Variants in MROH2B observed in about 807,000 individuals in gnomAD.
The protein encoded by MROH2B is maestro heat-like repeat-containing protein family member 2B.
A neutral mutation model predicts 208.6 loss-of-function variants in MROH2B; 177 were observed. The observed-to-expected ratio is 0.85, with a 90% CI of 0.75 to 0.96. The LOEUF (loss-of-function observed/expected upper bound fraction) is 0.96. Among genes scored for constraint, MROH2B ranks in the 40% least tolerant of loss-of-function variants. The probability of loss-of-function intolerance (pLI) is 0.00; values close to 1 mark genes in which losing one functional copy is unlikely to be tolerated. For synonymous variants in MROH2B, 728 were observed against 659.0 expected, an observed-to-expected ratio of 1.10 and a Z score of -1.60; for missense variants, 2,002 against 1,878.7, an observed-to-expected ratio of 1.07 and a Z score of -1.21.
chr5:41,027,148 A>T (rs1742393497), intron 24 of MROH2B, among the ~76,000 whole-genome samples: 2 of 152,228 alleles, frequency 1.3e-5, no homozygotes, highest in Admixed American at 1.3e-4. Flanking sequence ...CATGTCTAAA[A>T]CACCAAAAGC....
chr5:41,031,483 C>A (rs1039648567), intron 24 of MROH2B, among the ~76,000 whole-genome samples: 3 of 151,998 alleles, frequency 2.0e-5, no homozygotes, highest in Non-Finnish European at 4.4e-5. Flanking sequence ...AGGAAATAGA[C>A]CAAAATGCTG....
chr5:41,045,815 G>T lies in MROH2B; in HGVS notation c.1767C>A (p.Ala589=), dbSNP rs1394908168. 1.2e-6 allele frequency: 2 copies of T among 1,613,384 alleles called. No homozygotes were observed. The highest frequency in any genetic ancestry group is 1.1e-5 in the South Asian group (1 of 91,050). ...AATCCTGAGTCAGCTGAATGGTCCA[G>T]GCCACATCACTGATCTTCCATAAGG... ...KESLWKISDV[A]WTIQLTQDFK... The change falls in exon 18 of 42, where the codon GCC becomes GCA. Residue 589 remains alanine (A), a synonymous_variant. Coordinates refer to ENST00000399564, the MANE Select transcript of MROH2B (RefSeq NM_173489.5).
chr5:41,033,914 G>A lies in MROH2B; in HGVS notation c.2215-50C>T, dbSNP rs144727634. 6.8e-3 allele frequency: 10,564 copies of A among 1,546,784 alleles called. 62 individuals are homozygous for A. The highest frequency in any genetic ancestry group is 0.012 in the Middle Eastern group (69 of 5,966). On this transcript the variant is annotated intron_variant, in intron 21 of 41. Transcript: ENST00000399564. Reference sequence around the variant, plus strand: ...AGATACTCAATGAGTGGCATTGAGAGATATACCCAACCCAACAAAAGGACT... The same window carrying A: ...AGATACTCAATGAGTGGCATTGAGAAATATACCCAACCCAACAAAAGGACT...
intron 12 of MROH2B, 82 bp from the exon 13 acceptor site, chr5:41,051,172 C>G: frequency 2.5e-6 from 2 of 802,510 alleles, no homozygotes; most frequent in Non-Finnish European, 3.6e-6. Context: ...TGTTCTTAGA[C>G]TCTGGAGTAG....
chr5:41,009,474 A>T (rs1042741992), intron 31 of MROH2B, 68 bp from the exon 32 acceptor site: 2 of 1,563,080 alleles, frequency 1.3e-6, no homozygotes, highest in Non-Finnish European at 1.7e-6. Flanking sequence ...TTTCCATCTG[A>T]CTCACTCTAA....
At chr5:41,024,422 T>A (rs1260703642) in intron 24 of MROH2B, among the ~76,000 whole-genome samples, 1 of 151,768 alleles carries the variant, frequency 6.6e-6, no homozygotes, top group Admixed American at 6.6e-5. Flanking sequence ...CCAAAAAAGA[T>A]CAAAAGAGAC....
intron 29 of MROH2B, among the ~76,000 whole-genome samples, chr5:41,013,625 G>C (rs974224458): frequency 2.0e-5 from 3 of 152,166 alleles, no homozygotes; most frequent in African/African-American, 4.8e-5. Context: ...TGAGTTATTA[G>C]ATCAAAGGAC....
intron 2 of MROH2B, among the ~76,000 whole-genome samples, chr5:41,067,604 G>A (rs534558638): frequency 4.9e-4 from 75 of 152,222 alleles, no homozygotes; most frequent in African/African-American, 1.8e-3. Context: ...CTGACCTCAG[G>A]TGATCCACTT....
In MROH2B at chr5:41,033,979, G is replaced by A. The variant is rs1367617453; in HGVS notation, c.2215-115C>T. The A allele has an allele frequency of 1.3e-5, 18 of 1,397,510 alleles. No individual in the cohort carries two copies. The Admixed American group carries it at 1.4e-4, about 11-fold the overall frequency. The allele number at this position is 1,397,510 out of a possible 1,614,324, so 86.6% of individuals were successfully genotyped here. A position where few individuals can be genotyped will look rare whatever the true frequency, so the allele number is the denominator to read the frequency against. ...AAGGACAATAGTAAAGCAGGAGGTA[G>A]AGCCTTGCCAAGGGGGGTCTTGCCA... On this transcript the variant is annotated intron_variant, in intron 21 of 41. Coordinates refer to ENST00000399564, the MANE Select transcript of MROH2B (RefSeq NM_173489.5).
intron 29 of MROH2B, 69 bp downstream of exon 29, chr5:41,015,312 G>A: frequency 7.4e-7 from 1 of 1,342,840 alleles, no homozygotes; most frequent in Non-Finnish European, 1.1e-6. Context: ...GCAGTGGGGA[G>A]TATGTAGCTT....
intron 33 of MROH2B, 106 bp from the exon 34 acceptor site, chr5:41,007,560 T>C: frequency 2.8e-6 from 3 of 1,083,128 alleles, no homozygotes; most frequent in Non-Finnish European, 3.6e-6. Context: ...ACCCCTGGAC[T>C]AGGGGATGTT....
rs759129143 is a variant in MROH2B at position 41,045,744 on chromosome 5, A to G, written c.1836+2T>C. ...AGGTTTCCCCTCAGCTGAAAAACCA[A>G]CCTTCTCAGTGGAGTTATTGCTGTA... On this transcript the variant is annotated splice_donor_variant, in intron 18 of 41. Transcript: ENST00000399564. LOFTEE classifies it high-confidence loss of function. 3.1e-6 allele frequency: 5 copies of G among 1,612,560 alleles called. No individual in the cohort carries two copies. In the South Asian group the frequency reaches 4.4e-5, roughly 14 times the overall value.
chr5:41,028,491 C>T (rs1742457037), intron 24 of MROH2B, among the ~76,000 whole-genome samples: 1 of 152,068 alleles, frequency 6.6e-6, no homozygotes, highest in South Asian at 2.1e-4. Flanking sequence ...AAACAGTAGC[C>T]ACTGTTTTTT....
At chr5:41,026,014 C>T (rs985117362) in intron 24 of MROH2B, among the ~76,000 whole-genome samples, 2 of 152,102 alleles carry the variant, frequency 1.3e-5, no homozygotes, top group African/African-American at 2.4e-5. Flanking sequence ...TCTCAATAAA[C>T]TAGGTATTGA....
chr5:41,051,000 G>T lies in MROH2B; in HGVS notation c.1321C>A (p.Pro441Thr), dbSNP rs746569588. The change falls in exon 13 of 42, where the codon CCA becomes ACA. Residue 441 changes from proline (P) to threonine (T), a missense_variant. Transcript: ENST00000399564. ...ACCTGAGGCATTCCAATGACCAGTG[G>T]GTCCAGGGTTTTTAAGACCTCAAGG... ...TSLEVLKTLD[P>T]LVIGMPQVLW... 6.4e-7 allele frequency: 1 copy of T among 1,570,618 alleles called. No homozygotes were observed. The highest frequency in any genetic ancestry group is 2.4e-5 in the East Asian group (1 of 41,446).
chr5:41,062,277 C>T (rs763789401), intron 5 of MROH2B, among the ~76,000 whole-genome samples: 12 of 152,156 alleles, frequency 7.9e-5, no homozygotes, highest in South Asian at 2.1e-4. Context: ...TAAAAATGGG[C>T]GATAACTCCA....
At chr5:41,022,083 C>T (rs1036908302) in intron 24 of MROH2B, among the ~76,000 whole-genome samples, 1 of 152,090 alleles carries the variant, frequency 6.6e-6, no homozygotes, top group African/African-American at 2.4e-5. Flanking sequence ...TCCAAGATGG[C>T]CGAATAGGAA....
In MROH2B at chr5:41,027,841, T is replaced by A. The variant is rs200397063; in HGVS notation, c.2441+4901A>T. On this transcript the variant is annotated intron_variant, in intron 24 of 41. Transcript: ENST00000399564. Reference sequence around the variant, plus strand: ...AAGAAAATGTGGCACATATACACCATGGAATACTATGCAGCCATAACAAAT... The same window carrying A: ...AAGAAAATGTGGCACATATACACCAAGGAATACTATGCAGCCATAACAAAT... Among the ~76,000 whole-genome samples, 220 of 152,308 alleles carry A rather than the reference T, an allele frequency of 1.4e-3. 5 individuals carry two copies. In the East Asian group the frequency reaches 0.038, roughly 26 times the overall value.
intron 24 of MROH2B, among the ~76,000 whole-genome samples, chr5:41,028,779 C>A (rs1027774680): frequency 6.6e-6 from 1 of 152,066 alleles, no homozygotes; most frequent in South Asian, 2.1e-4. Flanking sequence ...TATGGTGGTA[C>A]AGATAACTTA....
Sources: allele counts gnomAD v4.1 joint callset (sites outside exome capture counted in the v4.1 genomes callset), GRCh38; gene constraint gnomAD v4.1.1; transcripts MANE v1.5; gene names NCBI Gene and HGNC (gene_info 2026-07-23, HGNC 2026-07-21).